Variants in AFG1L observed in about 807,000 individuals in gnomAD.
AFG1L encodes the protein AFG1 like ATPase.
AFG1L carries 53 observed loss-of-function variants against 62.2 expected under a neutral mutation model. The ratio of observed to expected loss-of-function variants is 0.85; its 90% confidence interval spans 0.68 to 1.07. AFG1L has a LOEUF of 1.07. Among genes scored for constraint, AFG1L ranks in the 50% least tolerant of loss-of-function variants. The pLI is 0.00. For missense variants in AFG1L, 555 were observed against 590.5 expected, an observed-to-expected ratio of 0.94 and a Z score of 0.62; for synonymous variants, 228 against 210.3, an observed-to-expected ratio of 1.08 and a Z score of -0.73.
chr6:108,332,189 C>T (rs1379679848), intron 2 of AFG1L, among the ~76,000 whole-genome samples: 1 of 152,208 alleles, frequency 6.6e-6, no homozygotes, highest in Non-Finnish European at 1.5e-5. Flanking sequence ...ATTTGCTGGC[C>T]TTTGCTCTAG....
chr6:108,520,169 G>A (rs1229668117), intron 12 of AFG1L: 1 of 184,294 alleles, frequency 5.4e-6, no homozygotes, highest in Non-Finnish European at 1.1e-5. Flanking sequence ...GCTATACCAT[G>A]CTGCCCTTTC....
chr6:108,407,023 C>T (rs1254787080), intron 7 of AFG1L, among the ~76,000 whole-genome samples: 4 of 152,122 alleles, frequency 2.6e-5, no homozygotes, highest in Non-Finnish European at 5.9e-5. Context: ...GTGATCTCCA[C>T]TGATATCATT....
Position 108,310,698 on chromosome 6 carries a change from C to T in AFG1L, c.140-13127C>T, listed in dbSNP as rs117982300. 2.6e-4 allele frequency among the ~76,000 whole-genome samples: 40 copies of T among 151,890 alleles called. No individual in the cohort carries two copies. The East Asian group carries it at 7.6e-3, about 29-fold the overall frequency. On this transcript the variant is annotated intron_variant, in intron 1 of 12. Transcript: ENST00000368977. ...CAAGTGATTCTCGTGCCTCAGCCTCCGGGGTAGCTGGGAGTACAGGCGTGT... is the reference window on the plus strand; with the variant it reads ...CAAGTGATTCTCGTGCCTCAGCCTCTGGGGTAGCTGGGAGTACAGGCGTGT...
chr6:108,392,440 G>C (rs1781099332), intron 6 of AFG1L, among the ~76,000 whole-genome samples: 2 of 152,118 alleles, frequency 1.3e-5, no homozygotes. Context: ...TTTGTGTACA[G>C]TGCCTGGCAA....
At chr6:108,311,890 C>T (rs984592757) in intron 1 of AFG1L, among the ~76,000 whole-genome samples, 6 of 151,194 alleles carry the variant, frequency 4.0e-5, no homozygotes, top group African/African-American at 7.3e-5. Context: ...TTTGAGACAG[C>T]GTCTTGCTCT....
chr6:108,366,222 G>A lies in AFG1L; in HGVS notation c.649-11G>A, dbSNP rs577472421. The A allele has an allele frequency of 9.1e-6, 14 of 1,531,906 alleles. No homozygotes were observed. In the South Asian group the frequency reaches 1.5e-4, roughly 16 times the overall value. 94.9% of individuals were successfully genotyped at this position (1,531,906 alleles called of 1,614,324 possible). ...GAAATTAAAATAAAACAAATGTGTTGTTGTCAATAGGTCACTGACATTGCT... is the reference window on the plus strand; with the variant it reads ...GAAATTAAAATAAAACAAATGTGTTATTGTCAATAGGTCACTGACATTGCT... On this transcript the variant is annotated splice_polypyrimidine_tract_variant and intron_variant, in intron 5 of 12. Transcript: ENST00000368977.
intron 10 of AFG1L, among the ~76,000 whole-genome samples, chr6:108,483,943 T>C (rs995719631): frequency 4.6e-5 from 7 of 152,208 alleles, no homozygotes; most frequent in African/African-American, 1.7e-4. Context: ...GACATTTCCC[T>C]TCTCTTGCTC....
intron 1 of AFG1L, among the ~76,000 whole-genome samples, chr6:108,306,936 T>G (rs1193712820): frequency 6.6e-6 from 1 of 152,226 alleles, no homozygotes; most frequent in Non-Finnish European, 1.5e-5. Context: ...ACTCTTAGAG[T>G]TATTAAAACA....
chr6:108,431,165 G>A (rs1562156795), intron 7 of AFG1L, among the ~76,000 whole-genome samples: 2 of 150,958 alleles, frequency 1.3e-5, no homozygotes, highest in Admixed American at 6.6e-5. Flanking sequence ...GTGCAGTGGC[G>A]TGATCTTGGC....
chr6:108,494,135 T>C (rs1773877286), intron 10 of AFG1L, among the ~76,000 whole-genome samples: 1 of 152,106 alleles, frequency 6.6e-6, no homozygotes, highest in African/African-American at 2.4e-5. Flanking sequence ...CATTTTCATT[T>C]TGGTTTTCTG....
chr6:108,346,694 G>A (rs528520385), intron 2 of AFG1L, among the ~76,000 whole-genome samples: 3 of 152,160 alleles, frequency 2.0e-5, no homozygotes, highest in East Asian at 1.9e-4. Context: ...TTAATTGTTC[G>A]CTGTTCTAAG....
At chr6:108,428,964 C>T (rs1286088104) in intron 7 of AFG1L, among the ~76,000 whole-genome samples, 1 of 151,908 alleles carries the variant, frequency 6.6e-6, no homozygotes, top group Admixed American at 6.6e-5. Context: ...TTTTGCTGTA[C>T]TTGCTTTTGG....
intron 11 of AFG1L, among the ~76,000 whole-genome samples, chr6:108,513,407 T>A (rs965110342): frequency 1.3e-5 from 2 of 152,186 alleles, no homozygotes; most frequent in Non-Finnish European, 2.9e-5. Flanking sequence ...ATCGGATCAC[T>A]CCCACCCTAA....
chr6:108,410,557 T>C (rs1231259963), intron 7 of AFG1L, among the ~76,000 whole-genome samples: 1 of 152,084 alleles, frequency 6.6e-6, no homozygotes, highest in Admixed American at 6.6e-5. Flanking sequence ...ATGTTTTGGA[T>C]ATATGATAAT....
chr6:108,354,303 T>G (rs1159029454), intron 3 of AFG1L, among the ~76,000 whole-genome samples: 3 of 151,378 alleles, frequency 2.0e-5, no homozygotes, highest in African/African-American at 7.3e-5. Context: ...AACCCTATGT[T>G]TTTTTTTTGT....
intron 6 of AFG1L, among the ~76,000 whole-genome samples, chr6:108,399,174 GTTTGTTTTTTTTTTT>G (rs1304868728): frequency 7.4e-4 from 38 of 51,412 alleles, no homozygotes; most frequent in Admixed American, 3.7e-3. Flanking sequence ...CACTTCTTTT[GTTTGTTTTTTTTTTT>G]TTTTTTTTTT....
At chr6:108,335,880 G>A (rs1392141821) in intron 2 of AFG1L, among the ~76,000 whole-genome samples, 1 of 152,138 alleles carries the variant, frequency 6.6e-6, no homozygotes, top group African/African-American at 2.4e-5. Context: ...TCTTTAAATT[G>A]TGTTATAATC....
chr6:108,309,991 C>T (rs1189438890), intron 1 of AFG1L, among the ~76,000 whole-genome samples: 1 of 152,130 alleles, frequency 6.6e-6, no homozygotes, highest in Non-Finnish European at 1.5e-5. Context: ...CATGGACTAG[C>T]AGGCAACGTG....
chr6:108,307,270 C>G (rs1399652478), intron 1 of AFG1L, among the ~76,000 whole-genome samples: 6 of 151,992 alleles, frequency 3.9e-5, no homozygotes, highest in Admixed American at 2.6e-4. Flanking sequence ...ACTTGGCCCC[C>G]CAAAGTGCTA....
Sources: allele counts gnomAD v4.1 joint callset (sites outside exome capture counted in the v4.1 genomes callset), GRCh38; gene constraint gnomAD v4.1.1; transcripts MANE v1.5; gene names NCBI Gene and HGNC (gene_info 2026-07-23, HGNC 2026-07-21).